The following TAF4 variants were observed in gnomAD, a reference collection of about 807,000 sequenced individuals.
TAF4 encodes the protein transcription initiation factor TFIID subunit 4.
In TAF4, 9 loss-of-function variants were observed where a neutral mutation model predicts 90.3. That is an observed-to-expected ratio of 0.10 (90% CI 0.06 to 0.17). TAF4 has a LOEUF of 0.17. Ranked by LOEUF, TAF4 falls within the 10% of genes least tolerant of loss-of-function variation. The pLI, the probability that TAF4 is intolerant of heterozygous loss-of-function variation, is 1.00. For synonymous variants in TAF4, 818 were observed against 638.9 expected, an observed-to-expected ratio of 1.28 and a Z score of -4.23; for missense variants, 1,351 against 1,370.7, an observed-to-expected ratio of 0.99 and a Z score of 0.23.
intron 1 of TAF4, among the ~76,000 whole-genome samples, chr20:62,018,758 C>T (rs953560709): frequency 2.0e-5 from 3 of 152,244 alleles, no homozygotes; most frequent in African/African-American, 4.8e-5. Context: ...ACCCAGCCCT[C>T]GAGTCAGGGA....
At chr20:62,009,500 C>A (rs1234567093) in intron 4 of TAF4, among the ~76,000 whole-genome samples, 2 of 152,230 alleles carry the variant, frequency 1.3e-5, no homozygotes, top group African/African-American at 4.8e-5. Context: ...CTATGCCAAT[C>A]CAAACGGACA....
chr20:62,011,696 T>C (rs777361722), intron 3 of TAF4, among the ~76,000 whole-genome samples: 10 of 152,254 alleles, frequency 6.6e-5, no homozygotes, highest in South Asian at 4.1e-4. Context: ...CCACACCCCC[T>C]GGGGCTCAGC....
intron 1 of TAF4, among the ~76,000 whole-genome samples, chr20:62,057,156 AG>A (rs1457907143): frequency 6.6e-6 from 1 of 152,228 alleles, no homozygotes; most frequent in African/African-American, 2.4e-5. Context: ...CCATGGAACA[AG>A]GTGCCCACCT....
At chr20:62,005,815 T>C (rs975779694) in intron 7 of TAF4, 6 of 152,230 alleles carry the variant, frequency 3.9e-5, no homozygotes, top group African/African-American at 1.2e-4. Context: ...TACCAGCTCA[T>C]GATGAGGGAG....
At chr20:62,055,745 T>A (rs2056059817) in intron 1 of TAF4, among the ~76,000 whole-genome samples, 1 of 152,180 alleles carries the variant, frequency 6.6e-6, no homozygotes. Context: ...CTTCCCTGAC[T>A]ACCCTGCCCA....
intron 2 of TAF4, among the ~76,000 whole-genome samples, chr20:62,013,906 G>GTGTGTGT (rs2055794463): frequency 4.7e-5 from 5 of 107,348 alleles, no homozygotes; most frequent in African/African-American, 1.5e-4. Context: ...GGCTGACGCG[G>GTGTGTGT]GTGTGTGTGT....
chr20:62,055,830 G>T (rs2056060221), intron 1 of TAF4, among the ~76,000 whole-genome samples: 1 of 152,132 alleles, frequency 6.6e-6, no homozygotes, highest in African/African-American at 2.4e-5. Context: ...TAACTGCCTG[G>T]CCCCCACAAC....
chr20:62,037,995 A>G (rs2055942520), intron 1 of TAF4: 1 of 155,632 alleles, frequency 6.4e-6, no homozygotes, highest in Non-Finnish European at 1.4e-5. Flanking sequence ...GAAGAGCTAT[A>G]AAGTCACTAT....
intron 14 of TAF4, among the ~76,000 whole-genome samples, chr20:61,986,913 C>T (rs2055596244): frequency 6.6e-6 from 1 of 152,260 alleles, no homozygotes; most frequent in African/African-American, 2.4e-5. Flanking sequence ...GCAGCCTCCA[C>T]TGGCAGCGTC....
intron 1 of TAF4, among the ~76,000 whole-genome samples, chr20:62,033,711 T>G (rs141416193): frequency 0.015 from 2,070 of 139,484 alleles, 55 homozygotes; most frequent in African/African-American, 0.053. Context: ...CACTCCAGCC[T>G]GGGCAACAAG....
chr20:62,004,358 G>A (rs1475373095), intron 7 of TAF4, among the ~76,000 whole-genome samples: 3 of 120,812 alleles, frequency 2.5e-5, no homozygotes, highest in Admixed American at 2.0e-4. Flanking sequence ...GACAAGTCTC[G>A]CTCTGTCGCC....
chr20:61,998,972 C>A lies in TAF4; in HGVS notation c.2913+11G>T. The A allele has an allele frequency of 1.1e-5, 17 of 1,612,454 alleles. No individual in the cohort carries two copies. Among genetic ancestry groups the A allele is most frequent in the Non-Finnish European group, 1.4e-5 (17 of 1,179,802 alleles). ...GTGCCCAGACGGCAGCAGCAGACAC[C>A]CAGCACTCGCCTTTGCTGCCCTCAT... is the stretch of plus-strand genomic sequence containing the variant. On this transcript the variant is annotated intron_variant, in intron 12 of 14. Transcript: ENST00000252996.
At chr20:62,026,317 G>A (rs749751479) in intron 1 of TAF4, among the ~76,000 whole-genome samples, 3 of 152,070 alleles carry the variant, frequency 2.0e-5, no homozygotes, top group East Asian at 1.9e-4. Context: ...GTGTGCTGTC[G>A]ATGGCACCCC....
chr20:62,008,676 G>C (rs1357846710), intron 5 of TAF4, among the ~76,000 whole-genome samples: 1 of 152,136 alleles, frequency 6.6e-6, no homozygotes, highest in Non-Finnish European at 1.5e-5. Flanking sequence ...CGGACACCTG[G>C]GAATTTTATA....
rs187835288 is a variant in TAF4, at chr20:61,977,396, C to T, written c.3091-1061G>A. The stretch of plus-strand genomic sequence containing the variant: ...AAAGATTACGATGGCATCTTTACAG[C>T]ACATTCTCAACCAAAGTTAAGATGC... On this transcript the variant is annotated intron_variant, in intron 14 of 14. Coordinates refer to ENST00000252996, the MANE Select transcript of TAF4 (RefSeq NM_003185.4). Among the ~76,000 whole-genome samples the T allele has an allele frequency of 2.0e-5, 3 of 152,338 alleles. No individual in the cohort carries two copies. In the East Asian group the frequency reaches 5.8e-4, roughly 29 times the overall value.
chr20:62,059,423 T>G, intron 1 of TAF4, among the ~76,000 whole-genome samples: 1 of 152,252 alleles, frequency 6.6e-6, no homozygotes, highest in East Asian at 1.9e-4. Context: ...CACCCCATTT[T>G]CGAACATAAC....
chr20:62,049,972 GC>G (rs931765643), intron 1 of TAF4, among the ~76,000 whole-genome samples: 5 of 152,084 alleles, frequency 3.3e-5, no homozygotes, highest in African/African-American at 9.7e-5. Flanking sequence ...GCACACAGCA[GC>G]CCCACGGAGC....
At chr20:62,014,057 T>G (rs1402894112) in intron 2 of TAF4, among the ~76,000 whole-genome samples, 2 of 151,240 alleles carry the variant, frequency 1.3e-5, no homozygotes, top group East Asian at 2.0e-4. Context: ...TGTGTGTGTG[T>G]GTGTGTGTCC....
chr20:62,015,284 C>T (rs930217763), intron 1 of TAF4, among the ~76,000 whole-genome samples: 6 of 152,236 alleles, frequency 3.9e-5, no homozygotes, highest in African/African-American at 1.2e-4. Context: ...GCAGATGCGA[C>T]GCAACCCTTA....
Sources: allele counts gnomAD v4.1 joint callset (sites outside exome capture counted in the v4.1 genomes callset), GRCh38; gene constraint gnomAD v4.1.1; transcripts MANE v1.5; gene names NCBI Gene and HGNC (gene_info 2026-07-23, HGNC 2026-07-21).